TWIST2: variants seen among roughly 807,000 people sequenced by gnomAD.
TWIST2 encodes the protein twist family bHLH transcription factor 2.
In TWIST2, 1 loss-of-function variant was observed where a neutral mutation model predicts 11.6. The observed-to-expected ratio is 0.09, with a 90% CI of 0.03 to 0.41. The LOEUF (loss-of-function observed/expected upper bound fraction) is 0.41, where lower values mean the gene tolerates loss of function less well. Among genes scored for constraint, TWIST2 ranks in the 10% least tolerant of loss-of-function variants. The pLI is 0.98. For missense variants in TWIST2, 168 were observed against 226.4 expected (o/e 0.74, Z 1.66); for synonymous variants, 87 against 96.6 (o/e 0.90, Z 0.58).
chr2:238,908,194 C>T (rs1380321013), intron 1 of TWIST2, among the ~76,000 whole-genome samples: 2 of 151,558 alleles, frequency 1.3e-5, no homozygotes, highest in East Asian at 1.9e-4. Context: ...CACACACATA[C>T]ACACGCCACA....
At position 238,875,912 on chromosome 2, in the gene TWIST2, G is replaced by A. The variant is rs565832545; in HGVS notation, c.*35+27179G>A. Among the ~76,000 whole-genome samples, 23 of 152,348 alleles carry A rather than the reference G, an allele frequency of 1.5e-4. No individual in the cohort carries two copies. In the East Asian group the frequency reaches 3.5e-3, roughly 23 times the overall value. ...TGATGCAATAGAGAAAAAATAAATCGGGTGAGGGAGCCTGTGGCTTGTGGG... is the reference window on the plus strand; with the variant it reads ...TGATGCAATAGAGAAAAAATAAATCAGGTGAGGGAGCCTGTGGCTTGTGGG... On this transcript the variant is annotated intron_variant, in intron 1 of 1. Transcript: ENST00000612363.
intron 1 of TWIST2, among the ~76,000 whole-genome samples, chr2:238,876,479 T>G (rs529886018): frequency 6.6e-6 from 1 of 152,198 alleles, no homozygotes; most frequent in Admixed American, 6.5e-5. Context: ...AGAGACAAAG[T>G]CCCGCCTTCG....
chr2:238,855,650 A>G (rs569546360), intron 1 of TWIST2, among the ~76,000 whole-genome samples: 166 of 152,328 alleles, frequency 1.1e-3, no homozygotes, highest in African/African-American at 3.8e-3. Flanking sequence ...TTGAAACAGC[A>G]TCTTTTAAAA....
At chr2:238,878,912 C>T (rs1429926291) in intron 1 of TWIST2, among the ~76,000 whole-genome samples, 2 of 152,156 alleles carry the variant, frequency 1.3e-5, no homozygotes, top group African/African-American at 4.8e-5. Context: ...ATGTTGGAGC[C>T]TGCAGTAAGA....
chr2:238,876,288 T>A (rs918748390), intron 1 of TWIST2, among the ~76,000 whole-genome samples: 2 of 152,222 alleles, frequency 1.3e-5, no homozygotes, highest in South Asian at 4.1e-4. Flanking sequence ...CCTAAGGAGT[T>A]TGAAATTAGG....
chr2:238,869,356 G>A (rs759116425), intron 1 of TWIST2, among the ~76,000 whole-genome samples: 4 of 152,184 alleles, frequency 2.6e-5, no homozygotes, highest in Non-Finnish European at 5.9e-5. Context: ...ATAGACAAAT[G>A]GGACTACGTC....
chr2:238,899,011 G>A (rs1302811530), intron 1 of TWIST2, among the ~76,000 whole-genome samples: 1 of 152,264 alleles, frequency 6.6e-6, no homozygotes, highest in Admixed American at 6.5e-5. Flanking sequence ...GGTGGGCAGA[G>A]GCTGCCATCT....
intron 1 of TWIST2, among the ~76,000 whole-genome samples, chr2:238,895,289 A>G (rs1356726413): frequency 6.6e-6 from 1 of 152,146 alleles, no homozygotes; most frequent in Non-Finnish European, 1.5e-5. Context: ...TTCTGCACCC[A>G]CTTGGTGACT....
At chr2:238,865,394 G>A (rs984597953) in intron 1 of TWIST2, among the ~76,000 whole-genome samples, 1 of 152,222 alleles carries the variant, frequency 6.6e-6, no homozygotes, top group South Asian at 2.1e-4. Flanking sequence ...AGTGAGGGGG[G>A]CCTGGATCCA....
At chr2:238,879,517 C>T (rs568717405) in intron 1 of TWIST2, among the ~76,000 whole-genome samples, 1 of 152,204 alleles carries the variant, frequency 6.6e-6, no homozygotes, top group African/African-American at 2.4e-5. Flanking sequence ...CTTAGGGTCA[C>T]TTGTGGAGTT....
intron 1 of TWIST2, among the ~76,000 whole-genome samples, chr2:238,890,761 C>A (rs775843930): frequency 6.6e-5 from 10 of 152,088 alleles, no homozygotes; most frequent in Non-Finnish European, 1.5e-4. Context: ...CTTGAGGCTG[C>A]GAGTCTTCTG....
intron 1 of TWIST2, among the ~76,000 whole-genome samples, chr2:238,881,291 G>A (rs1204630473): frequency 1.4e-5 from 2 of 144,602 alleles, no homozygotes; most frequent in African/African-American, 2.6e-5. Context: ...TAGTATTAAT[G>A]TTAGTATCTA....
chr2:238,865,878 T>A (rs897479921), intron 1 of TWIST2, among the ~76,000 whole-genome samples: 1 of 152,186 alleles, frequency 6.6e-6, no homozygotes, highest in African/African-American at 2.4e-5. Context: ...TGCCATTCGC[T>A]GTGATGAACC....
chr2:238,900,875 T>TAAAA (rs1693261075), intron 1 of TWIST2, among the ~76,000 whole-genome samples: 1 of 152,182 alleles, frequency 6.6e-6, no homozygotes, highest in African/African-American at 2.4e-5. Flanking sequence ...GGTGTTCCCT[T>TAAAA]TTAGTCTGAA....
Position 238,866,917 on chromosome 2 carries a change from C to T in TWIST2, c.*35+18184C>T, listed in dbSNP as rs1692548983. Among the ~76,000 whole-genome samples, 1 of 152,228 alleles carries T rather than the reference C, an allele frequency of 6.6e-6. No homozygotes were observed. The highest frequency in any genetic ancestry group is 1.5e-5 in the Non-Finnish European group (1 of 68,038). The stretch of plus-strand genomic sequence containing the variant: ...CCTTGTCATGTATCCGGATGCCCGG[C>T]TCAGCCCATGCCCTGCACAAGTGGG... On this transcript the variant is annotated intron_variant, in intron 1 of 1. Coordinates refer to ENST00000612363, the MANE Select transcript of TWIST2 (RefSeq NM_001271893.4). This position sits in a 1 kb window ranked among gnomAD's most constrained non-coding sequence, Gnocchi z 4.9.
chr2:238,879,142 C>T (rs907585212), intron 1 of TWIST2, among the ~76,000 whole-genome samples: 1 of 152,216 alleles, frequency 6.6e-6, no homozygotes, highest in African/African-American at 2.4e-5. Flanking sequence ...CTGGCTCTGT[C>T]CCCTCTGAGA....
rs149706837 is a variant in TWIST2, at chr2:238,883,112, C to T, written c.*36-26730C>T. ...TCTAGAAACCCGAGCAGGGCCTTTG[C>T]GTTTCTGAACCTCCATTTTCTGCTT... is the stretch of plus-strand genomic sequence containing the variant. On this transcript the variant is annotated intron_variant, in intron 1 of 1. Transcript: ENST00000612363. Among the ~76,000 whole-genome samples, 309 of 152,326 alleles carry T rather than the reference C, an allele frequency of 2.0e-3. 1 individual carries two copies. The highest frequency in any genetic ancestry group is 6.6e-3 in the African/African-American group (275 of 41,584).
chr2:238,908,580 G>A (rs900047693), intron 1 of TWIST2, among the ~76,000 whole-genome samples: 2 of 152,200 alleles, frequency 1.3e-5, no homozygotes, highest in African/African-American at 2.4e-5. Flanking sequence ...TGGGTGTGAC[G>A]TGACGACACC....
chr2:238,868,023 A>T (rs1421500609), intron 1 of TWIST2, among the ~76,000 whole-genome samples: 1 of 152,192 alleles, frequency 6.6e-6, no homozygotes, highest in Non-Finnish European at 1.5e-5. Context: ...GAAAAAATAA[A>T]TGCAGTATAA....
Sources: gnomAD v4.1 joint callset for allele counts (sites outside exome capture counted in the v4.1 genomes callset) on GRCh38, gnomAD v4.1.1 for gene constraint, Gnocchi (gnomAD v3.1) non-coding constraint, MANE v1.5 for transcripts, NCBI Gene and HGNC (gene_info 2026-07-23, HGNC 2026-07-21) for gene names.